Variants in CADPS2 observed in about 807,000 individuals in gnomAD.
CADPS2 encodes the protein calcium-dependent secretion activator 2.
In CADPS2, 93 loss-of-function variants were observed where a neutral mutation model predicts 172.5. The observed-to-expected ratio is 0.54, with a 90% CI of 0.46 to 0.64. The LOEUF is 0.64. Ranked by LOEUF, CADPS2 falls within the 30% of genes least tolerant of loss-of-function variation. The pLI, the probability that CADPS2 is intolerant of heterozygous loss-of-function variation, is 0.00. For synonymous variants in CADPS2, 546 were observed against 555.2 expected, an observed-to-expected ratio of 0.98 and a Z score of 0.23; for missense variants, 1,420 against 1,565.9, an observed-to-expected ratio of 0.91 and a Z score of 1.57.
chr7:122,570,235 C>T (rs959082477), intron 7 of CADPS2, among the ~76,000 whole-genome samples: 39 of 152,054 alleles, frequency 2.6e-4, no homozygotes, highest in East Asian at 1.9e-4. Flanking sequence ...GATGAACAGA[C>T]ACTTCTCAAA....
At chr7:122,821,477 G>A (rs989796055) in intron 1 of CADPS2, among the ~76,000 whole-genome samples, 14 of 152,104 alleles carry the variant, frequency 9.2e-5, no homozygotes, top group Non-Finnish European at 1.3e-4. Context: ...TGGCAAATTA[G>A]CTTTACTCAA....
At chr7:122,829,589 T>A (rs954426592) in intron 1 of CADPS2, among the ~76,000 whole-genome samples, 1 of 152,112 alleles carries the variant, frequency 6.6e-6, no homozygotes, top group Non-Finnish European at 1.5e-5. Context: ...TCGTGAAAAA[T>A]GCATACAAAA....
intron 2 of CADPS2, among the ~76,000 whole-genome samples, chr7:122,678,559 G>T (rs945008824): frequency 7.2e-5 from 11 of 152,202 alleles, no homozygotes; most frequent in Non-Finnish European, 1.5e-4. Flanking sequence ...GAAATCACAG[G>T]TGTGTGGGAA....
At chr7:122,711,565 T>G (rs1223293343) in intron 2 of CADPS2, among the ~76,000 whole-genome samples, 4 of 152,178 alleles carry the variant, frequency 2.6e-5, no homozygotes, top group Non-Finnish European at 5.9e-5. Context: ...CAAGTGACAG[T>G]TGAATCCTGC....
At chr7:122,724,631 T>C (rs2090886196) in intron 2 of CADPS2, among the ~76,000 whole-genome samples, 1 of 152,078 alleles carries the variant, frequency 6.6e-6, no homozygotes, top group African/African-American at 2.4e-5. Context: ...ATTATCTCCA[T>C]TTTACAGATG....
chr7:122,618,043 C>CAAAA (rs35600638), intron 5 of CADPS2, among the ~76,000 whole-genome samples: 1 of 145,662 alleles, frequency 6.9e-6, no homozygotes, highest in African/African-American at 2.5e-5. Context: ...GATTCCATCT[C>CAAAA]AAAAAAAAAA....
intron 15 of CADPS2, among the ~76,000 whole-genome samples, chr7:122,446,403 T>C (rs1305701850): frequency 6.6e-6 from 1 of 152,196 alleles, no homozygotes; most frequent in Non-Finnish European, 1.5e-5. Context: ...TATTTGAATC[T>C]TGATTTTAAT....
chr7:122,713,251 T>C (rs933805494), intron 2 of CADPS2, among the ~76,000 whole-genome samples: 14 of 151,940 alleles, frequency 9.2e-5, no homozygotes, highest in Admixed American at 6.6e-5. Context: ...GGAATAGCAA[T>C]TGTTGAATTT....
intron 8 of CADPS2, among the ~76,000 whole-genome samples, chr7:122,553,704 C>T (rs2064626222): frequency 6.6e-6 from 1 of 152,114 alleles, no homozygotes; most frequent in South Asian, 2.1e-4. Context: ...GGCCCTAATG[C>T]CAGCAGACTC....
intron 25 of CADPS2, among the ~76,000 whole-genome samples, chr7:122,363,496 T>C (rs1733331314): frequency 2.0e-5 from 3 of 150,694 alleles, no homozygotes; most frequent in Admixed American, 2.0e-4. Flanking sequence ...TGTTGATGAA[T>C]TTGCTGAGGG....
chr7:122,702,334 T>C (rs923916334), intron 2 of CADPS2: 1 of 1,613,818 alleles, frequency 6.2e-7, no homozygotes, highest in African/African-American at 1.3e-5. Flanking sequence ...ACATGGGAAA[T>C]ACTTTACTGC....
At chr7:122,861,641 T>C (rs1816969606) in intron 1 of CADPS2, among the ~76,000 whole-genome samples, 1 of 152,238 alleles carries the variant, frequency 6.6e-6, no homozygotes, top group Non-Finnish European at 1.5e-5. Context: ...CAATAATGTA[T>C]TGTATATTTC....
intron 20 of CADPS2, among the ~76,000 whole-genome samples, chr7:122,402,309 C>A (rs752849459): frequency 2.0e-4 from 30 of 152,150 alleles, no homozygotes; most frequent in Non-Finnish European, 3.7e-4. Flanking sequence ...TAAATGCCCA[C>A]AGAATCTGCT....
At chr7:122,853,328 C>T (rs140225701) in intron 1 of CADPS2, among the ~76,000 whole-genome samples, 1 of 152,306 alleles carries the variant, frequency 6.6e-6, no homozygotes. Flanking sequence ...CTGTGGGGTA[C>T]ACCCTCCATG....
intron 11 of CADPS2, among the ~76,000 whole-genome samples, chr7:122,481,243 G>T (rs2057272062): frequency 6.9e-6 from 1 of 144,106 alleles, no homozygotes; most frequent in South Asian, 2.1e-4. Flanking sequence ...GTGGCTCACT[G>T]CAAGCTCTGC....
At chr7:122,648,666 C>T (rs12706427) in intron 3 of CADPS2, among the ~76,000 whole-genome samples, 6,154 of 152,200 alleles carry the variant, frequency 0.04, 199 homozygotes, top group Non-Finnish European at 0.049. Flanking sequence ...CCAGAAATTC[C>T]GACACTTTTA....
chr7:122,402,640 A>G (rs993854413), intron 20 of CADPS2, among the ~76,000 whole-genome samples: 5 of 152,234 alleles, frequency 3.3e-5, no homozygotes, highest in Admixed American at 2.6e-4. Flanking sequence ...ATTCTAACTA[A>G]TGTCTCCATT....
At chr7:122,712,952 G>A (rs757232617) in intron 2 of CADPS2, among the ~76,000 whole-genome samples, 3 of 151,890 alleles carry the variant, frequency 2.0e-5, no homozygotes, top group Non-Finnish European at 2.9e-5. Context: ...TCACCTTGGG[G>A]GTCAAGATTT....
At chr7:122,396,057 G>T (rs1242306993) in intron 20 of CADPS2, among the ~76,000 whole-genome samples, 1 of 152,132 alleles carries the variant, frequency 6.6e-6, no homozygotes, top group Admixed American at 6.5e-5. Flanking sequence ...TGATCCACCC[G>T]CCTCGGCTTC....
Sources: gnomAD v4.1 joint callset for allele counts (sites outside exome capture counted in the v4.1 genomes callset) on GRCh38, gnomAD v4.1.1 for gene constraint, MANE v1.5 for transcripts, NCBI Gene and HGNC (gene_info 2026-07-23, HGNC 2026-07-21) for gene names.